The following HMGCLL1 variants were observed in gnomAD, a reference collection of about 807,000 sequenced individuals.
HMGCLL1 encodes the protein 3-hydroxy-3-methylglutaryl-CoA lyase like 1.
HMGCLL1 carries 36 observed loss-of-function variants against 39.1 expected under a neutral mutation model. That is an observed-to-expected ratio of 0.92 (90% CI 0.71 to 1.22). HMGCLL1 has a LOEUF of 1.22. Among genes scored for constraint, HMGCLL1 ranks in the 50% most tolerant of loss-of-function variants. The pLI is 0.00. For missense variants in HMGCLL1, 451 were observed against 416.5 expected (o/e 1.08, Z -0.72); for synonymous variants, 149 against 144.0 (o/e 1.03, Z -0.25).
chr6:55,674,132 T>C, the HMGCLL1 span, among the ~76,000 whole-genome samples: 12 of 152,004 alleles, frequency 7.9e-5, no homozygotes, highest in Non-Finnish European at 1.6e-4. Flanking sequence ...TTGATACATG[T>C]TACCATTATC....
intron 1 of HMGCLL1, among the ~76,000 whole-genome samples, chr6:55,573,561 A>C (rs545081115): frequency 6.6e-6 from 1 of 152,306 alleles, no homozygotes; most frequent in Non-Finnish European, 1.5e-5. Context: ...TCAATAAATT[A>C]GATTAACAGC....
the HMGCLL1 span, among the ~76,000 whole-genome samples, chr6:55,677,173 G>A: frequency 1.3e-5 from 2 of 152,186 alleles, no homozygotes; most frequent in South Asian, 4.1e-4. Flanking sequence ...AAGGCAGGAG[G>A]ATCACTTGAG....
chr6:55,670,551 T>C, the HMGCLL1 span, among the ~76,000 whole-genome samples: 1 of 151,796 alleles, frequency 6.6e-6, no homozygotes, highest in African/African-American at 2.4e-5. Context: ...ATGAATAAGA[T>C]ACCTACATCA....
At chr6:55,596,026 TA>T in the HMGCLL1 span, among the ~76,000 whole-genome samples, 1 of 152,096 alleles carries the variant, frequency 6.6e-6, no homozygotes, top group Non-Finnish European at 1.5e-5. Context: ...GGCGTTTTAT[TA>T]AAAAAGGAAT....
chr6:55,446,649 C>T (rs996082203), intron 7 of HMGCLL1, among the ~76,000 whole-genome samples: 5 of 151,904 alleles, frequency 3.3e-5, no homozygotes, highest in African/African-American at 1.2e-4. Context: ...GTATGATGTT[C>T]TAATGGTCTG....
chr6:55,634,252 T>C, the HMGCLL1 span, among the ~76,000 whole-genome samples: 1 of 152,044 alleles, frequency 6.6e-6, no homozygotes, highest in Non-Finnish European at 1.5e-5. Context: ...AGGTCTTTGC[T>C]GAAAATGTGT....
At chr6:55,512,415 T>C (rs1767512128) in intron 5 of HMGCLL1, 1 of 152,122 alleles carries the variant, frequency 6.6e-6, no homozygotes, top group Non-Finnish European at 1.5e-5. Context: ...ATCTCTCCTT[T>C]TTGATTGTGG....
At chr6:55,678,628 A>G in the HMGCLL1 span, among the ~76,000 whole-genome samples, 4,312 of 152,226 alleles carry the variant, frequency 0.028, 187 homozygotes, top group African/African-American at 0.098. Flanking sequence ...GCAGTTAGTT[A>G]AAAACAAAAA....
chr6:55,625,977 C>T, the HMGCLL1 span, among the ~76,000 whole-genome samples: 3 of 152,132 alleles, frequency 2.0e-5, no homozygotes, highest in South Asian at 2.1e-4. Flanking sequence ...TGAACAAAGT[C>T]GTCATGGTGC....
rs530466527 is a variant in HMGCLL1, at chr6:55,495,861, T to C, written c.607-254A>G. Among the ~76,000 whole-genome samples the C allele has an allele frequency of 1.8e-4, 27 of 152,300 alleles. 1 individual carries two copies. The South Asian group carries it at 5.2e-3, about 29-fold the overall frequency. The stretch of plus-strand genomic sequence containing the variant: ...TTAGAGTCATATCTACCTATCTTTT[T>C]ATCCAGCTATTTGTTCTACTATGAA... On this transcript the variant is annotated intron_variant, in intron 6 of 8. Transcript: ENST00000274901.
chr6:55,568,053 T>C (rs1561967859), intron 1 of HMGCLL1, among the ~76,000 whole-genome samples: 1 of 152,182 alleles, frequency 6.6e-6, no homozygotes, highest in Non-Finnish European at 1.5e-5. Flanking sequence ...TGAATCTAAA[T>C]AATTCTAAAA....
the HMGCLL1 span, among the ~76,000 whole-genome samples, chr6:55,649,653 C>A: frequency 6.6e-6 from 1 of 151,936 alleles, no homozygotes; most frequent in Non-Finnish European, 1.5e-5. Flanking sequence ...CTGATATTAT[C>A]CGTTTGAATA....
chr6:55,528,708 C>G (rs1468220842), intron 3 of HMGCLL1, among the ~76,000 whole-genome samples: 3 of 151,456 alleles, frequency 2.0e-5, no homozygotes, highest in Non-Finnish European at 4.4e-5. Context: ...ACCATATTCA[C>G]AAAACTTCTT....
At chr6:55,657,761 C>T in the HMGCLL1 span, among the ~76,000 whole-genome samples, 1 of 151,954 alleles carries the variant, frequency 6.6e-6, no homozygotes, top group Non-Finnish European at 1.5e-5. Flanking sequence ...TTTGCAGAAA[C>T]ATGGGTGGAG....
At chr6:55,466,549 A>G (rs573589865) in intron 7 of HMGCLL1, among the ~76,000 whole-genome samples, 1 of 152,156 alleles carries the variant, frequency 6.6e-6, no homozygotes, top group Non-Finnish European at 1.5e-5. Context: ...ACAACATTTG[A>G]TCATTGGTCA....
chr6:55,475,454 G>A (rs1765243357), intron 7 of HMGCLL1, among the ~76,000 whole-genome samples: 1 of 151,506 alleles, frequency 6.6e-6, no homozygotes, highest in Admixed American at 6.6e-5. Context: ...CTGCAGCTCT[G>A]GATTTGCCTC....
chr6:55,667,192 G>C, the HMGCLL1 span, among the ~76,000 whole-genome samples: 1 of 151,694 alleles, frequency 6.6e-6, no homozygotes, highest in Non-Finnish European at 1.5e-5. Flanking sequence ...CACTTGCAAA[G>C]AGTGCATCAC....
At chr6:55,623,616 G>T in the HMGCLL1 span, among the ~76,000 whole-genome samples, 5 of 150,332 alleles carry the variant, frequency 3.3e-5, no homozygotes, top group African/African-American at 1.2e-4. Flanking sequence ...TATTAGAGCC[G>T]AAGAGAGATA....
chr6:55,464,240 TAAAA>T (rs1365210550), intron 7 of HMGCLL1, among the ~76,000 whole-genome samples: 10 of 152,280 alleles, frequency 6.6e-5, no homozygotes, highest in African/African-American at 2.2e-4. Context: ...TTTACTGTCT[TAAAA>T]AATCTCACAA....
Sources: allele counts gnomAD v4.1 joint callset (sites outside exome capture counted in the v4.1 genomes callset), GRCh38; gene constraint gnomAD v4.1.1; transcripts MANE v1.5; gene names NCBI Gene and HGNC (gene_info 2026-07-23, HGNC 2026-07-21).